The following ITPR2 variants were observed in gnomAD, a reference collection of about 807,000 sequenced individuals.
ITPR2 encodes inositol 1,4,5-trisphosphate receptor type 2, also known as inositol 1,4,5-trisphosphate-gated calcium channel ITPR2.
A neutral mutation model predicts 317.1 loss-of-function variants in ITPR2; 207 were observed. The ratio of observed to expected loss-of-function variants is 0.65; its 90% confidence interval spans 0.58 to 0.73. The LOEUF (loss-of-function observed/expected upper bound fraction) is 0.73, where lower values mean the gene tolerates loss of function less well. Among genes scored for constraint, ITPR2 ranks in the 30% least tolerant of loss-of-function variants. ITPR2 has a pLI of 0.00. For synonymous variants in ITPR2, 1,156 were observed against 1,149.1 expected (o/e 1.01, Z -0.12); for missense variants, 2,613 against 3,284.0 (o/e 0.80, Z 4.99).
intron 32 of ITPR2, among the ~76,000 whole-genome samples, chr12:26,582,385 T>C (rs1945425388): frequency 6.6e-6 from 1 of 152,232 alleles, no homozygotes; most frequent in Admixed American, 6.5e-5. Context: ...TACATATAGT[T>C]TAAAAGTTTT....
intron 2 of ITPR2, among the ~76,000 whole-genome samples, chr12:26,732,350 C>T (rs1949041478): frequency 6.6e-6 from 1 of 152,134 alleles, no homozygotes; most frequent in South Asian, 2.1e-4. Context: ...AAAGTGAATT[C>T]CCTAGATCCT....
At chr12:26,651,143 T>C (rs1172729457) in intron 21 of ITPR2, among the ~76,000 whole-genome samples, 3 of 152,196 alleles carry the variant, frequency 2.0e-5, no homozygotes, top group Non-Finnish European at 4.4e-5. Context: ...TATTTCCAAA[T>C]GTTCTCTTGG....
At chr12:26,485,045 T>A (rs1942635421) in intron 41 of ITPR2, among the ~76,000 whole-genome samples, 1 of 151,858 alleles carries the variant, frequency 6.6e-6, no homozygotes, top group Non-Finnish European at 1.5e-5. Context: ...TTTTAAAAAA[T>A]GTTTACCTGC....
chr12:26,442,965 C>T (rs749288574), intron 46 of ITPR2, among the ~76,000 whole-genome samples: 26 of 152,114 alleles, frequency 1.7e-4, no homozygotes, highest in Non-Finnish European at 2.8e-4. Context: ...CCAGATGGGT[C>T]TCAGAACACA....
At chr12:26,434,341 T>C (rs1159195611) in intron 48 of ITPR2, among the ~76,000 whole-genome samples, 3 of 152,178 alleles carry the variant, frequency 2.0e-5, no homozygotes, top group Non-Finnish European at 2.9e-5. Context: ...TGACCCAATC[T>C]AAGTGGTGAA....
At chr12:26,437,936 G>A (rs112610816) in intron 47 of ITPR2, among the ~76,000 whole-genome samples, 32,114 of 151,706 alleles carry the variant, frequency 0.21, 3,856 homozygotes, top group East Asian at 0.41. Flanking sequence ...CGAGTAGCTG[G>A]GACTACAGGT....
At chr12:26,708,495 C>T (rs2137017060) in intron 9 of ITPR2, among the ~76,000 whole-genome samples, 1 of 152,232 alleles carries the variant, frequency 6.6e-6, no homozygotes, top group South Asian at 2.1e-4. Flanking sequence ...ATAAGCCAGG[C>T]ACAGAATGAC....
At chr12:26,427,158 G>A (rs1941083785) in intron 49 of ITPR2, among the ~76,000 whole-genome samples, 2 of 152,060 alleles carry the variant, frequency 1.3e-5, no homozygotes, top group South Asian at 4.1e-4. Flanking sequence ...CCCAGGAAAA[G>A]ATCGAAAGTG....
intron 26 of ITPR2, among the ~76,000 whole-genome samples, chr12:26,609,518 C>G (rs1305784371): frequency 6.6e-6 from 1 of 152,042 alleles, no homozygotes; most frequent in African/African-American, 2.4e-5. Context: ...AAGGGAGGAT[C>G]GCTGGAGCCT....
chr12:26,429,618 T>C (rs1252897009), intron 48 of ITPR2, among the ~76,000 whole-genome samples: 2 of 152,242 alleles, frequency 1.3e-5, no homozygotes, highest in South Asian at 2.1e-4. Flanking sequence ...CACCAGGATG[T>C]ACAATCTAAA....
intron 26 of ITPR2, among the ~76,000 whole-genome samples, chr12:26,615,010 A>T (rs1449599654): frequency 6.6e-6 from 1 of 152,238 alleles, no homozygotes; most frequent in Non-Finnish European, 1.5e-5. Context: ...TACCACACTT[A>T]TTCTAGATGT....
chr12:26,624,337 A>C lies in ITPR2; in HGVS notation c.3084T>G (p.Asp1028Glu). The change falls in exon 24 of 57, where the codon GAT (aspartate) becomes GAG (glutamate). Residue 1028 changes from aspartate to glutamate, a missense_variant. Transcript: ENST00000381340. ...LLPSAIVPDI[D>E]EIAAQAETMF... is the part of the protein sequence containing the mutation. ...TAGTTTCTGCCTGAGCTGCAATTTC[A>C]TCTATATCAGGAACAATAGCTGCAA... 2 of 1,610,062 alleles carry C rather than the reference A, an allele frequency of 1.2e-6. No homozygotes were observed. Among genetic ancestry groups the C allele is most frequent in the Non-Finnish European group, 1.7e-6 (2 of 1,177,398 alleles).
rs114455697 is a variant in ITPR2 at position 26,448,609 on chromosome 12, G to A, written c.6343-4959C>T. Among the ~76,000 whole-genome samples, 1,308 of 152,208 alleles carry A rather than the reference G, an allele frequency of 8.6e-3. 10 individuals are homozygous for A. Among genetic ancestry groups the A allele is most frequent in the African/African-American group, 0.017 (722 of 41,526 alleles). On this transcript the variant is annotated intron_variant, in intron 45 of 56. Transcript: ENST00000381340. The stretch of plus-strand genomic sequence containing the variant: ...TCTCATAACAATGCAATGAATACAT[G>A]GGTAGATACAGTGCAAGCATACAGA...
intron 1 of ITPR2, among the ~76,000 whole-genome samples, chr12:26,821,495 G>C (rs1159107629): frequency 6.6e-6 from 1 of 152,168 alleles, no homozygotes; most frequent in African/African-American, 2.4e-5. Flanking sequence ...GATTCCCAAA[G>C]CAGCCCTAGG....
Position 26,456,830 on chromosome 12 carries a change from G to A in ITPR2, c.6343-13180C>T, listed in dbSNP as rs576884079. On this transcript the variant is annotated intron_variant, in intron 45 of 56. Coordinates refer to ENST00000381340, the MANE Select transcript of ITPR2 (RefSeq NM_002223.4). ...TGGGATTACAGGCACTTGCCATCAC[G>A]CCCGGCTAATTTTTGTATTTTTTAC... Among the ~76,000 whole-genome samples, 121 of 152,114 alleles carry A rather than the reference G, an allele frequency of 8.0e-4. 1 individual carries two copies. Among genetic ancestry groups the A allele is most frequent in the African/African-American group, 2.6e-3 (106 of 41,504 alleles).
At chr12:26,683,385 G>A (rs951917245) in intron 11 of ITPR2, among the ~76,000 whole-genome samples, 1 of 152,104 alleles carries the variant, frequency 6.6e-6, no homozygotes, top group African/African-American at 2.4e-5. Context: ...TTAGTGCCAT[G>A]TTTTTCATAT....
At chr12:26,697,137 C>T (rs1467105160) in intron 9 of ITPR2, among the ~76,000 whole-genome samples, 1 of 152,198 alleles carries the variant, frequency 6.6e-6, no homozygotes, top group Non-Finnish European at 1.5e-5. Context: ...GATGTCTGCT[C>T]AAATCTGGGA....
At chr12:26,591,667 T>TA (rs879788512) in intron 32 of ITPR2, among the ~76,000 whole-genome samples, 246 of 143,256 alleles carry the variant, frequency 1.7e-3, no homozygotes, top group Middle Eastern at 3.6e-3. Flanking sequence ...CCATCTCTAC[T>TA]AAAAAAAAAA....
At chr12:26,445,294 C>A (rs961419060) in intron 45 of ITPR2, among the ~76,000 whole-genome samples, 1 of 152,182 alleles carries the variant, frequency 6.6e-6, no homozygotes, top group Admixed American at 6.5e-5. Context: ...AGACGAGGAG[C>A]GGGCTGTTGG....
Sources: gnomAD v4.1 joint callset for allele counts (sites outside exome capture counted in the v4.1 genomes callset) on GRCh38, gnomAD v4.1.1 for gene constraint, MANE v1.5 for transcripts, NCBI Gene and HGNC (gene_info 2026-07-23, HGNC 2026-07-21) for gene names.